The following SCML4 variants were observed in gnomAD, a reference collection of about 807,000 sequenced individuals.
SCML4 encodes Scm polycomb group protein like 4, also known as sex comb on midleg-like protein 4.
Under a neutral mutation model 41.1 loss-of-function variants are expected in SCML4, and 34 were observed. The ratio of observed to expected loss-of-function variants is 0.83; its 90% CI spans 0.63 to 1.10. The LOEUF is 1.10. SCML4 is among the 50% of genes least tolerant of loss of function. SCML4 has a pLI of 0.00. For synonymous variants in SCML4, 214 were observed against 220.9 expected, an observed-to-expected ratio of 0.97 and a Z score of 0.28; for missense variants, 522 against 534.1, an observed-to-expected ratio of 0.98 and a Z score of 0.22.
chr6:107,713,412 C>G (rs1197789754), intron 6 of SCML4, among the ~76,000 whole-genome samples: 1 of 152,172 alleles, frequency 6.6e-6, no homozygotes, highest in African/African-American at 2.4e-5. Context: ...TAACCCCTCC[C>G]ACCTCAGGCT....
intron 1 of SCML4, among the ~76,000 whole-genome samples, chr6:107,797,417 T>C (rs919081013): frequency 2.0e-5 from 3 of 152,096 alleles, no homozygotes; most frequent in African/African-American, 7.2e-5. Context: ...TTTTACTTCA[T>C]TTTCCAGTTA....
At chr6:107,721,425 TGTG>T (rs1775400815) in intron 5 of SCML4, among the ~76,000 whole-genome samples, 1 of 151,698 alleles carries the variant, frequency 6.6e-6, no homozygotes, top group African/African-American at 2.4e-5. Flanking sequence ...ATTAGCCGGA[TGTG>T]GTGGCAGGCA....
At chr6:107,721,572 G>A (rs1775420308) in intron 5 of SCML4, among the ~76,000 whole-genome samples, 1 of 152,092 alleles carries the variant, frequency 6.6e-6, no homozygotes, top group Non-Finnish European at 1.5e-5. Flanking sequence ...CTTCTGCAGT[G>A]GCTCTGCCCT....
At chr6:107,741,157 C>G (rs778079690) in intron 5 of SCML4, among the ~76,000 whole-genome samples, 18 of 151,976 alleles carry the variant, frequency 1.2e-4, no homozygotes, top group Non-Finnish European at 2.5e-4. Flanking sequence ...CACAGAAAAT[C>G]AAAAACAAAT....
At chr6:107,811,607 A>G (rs750132437) in intron 1 of SCML4, among the ~76,000 whole-genome samples, 2 of 152,176 alleles carry the variant, frequency 1.3e-5, no homozygotes, top group African/African-American at 2.4e-5. Context: ...ATGGGAAAAA[A>G]TGTGTCTTCT....
chr6:107,717,173 A>T (rs1166603079), intron 6 of SCML4, among the ~76,000 whole-genome samples: 2 of 78,724 alleles, frequency 2.5e-5, no homozygotes, highest in Non-Finnish European at 5.4e-5. Context: ...AAAAAAAAAA[A>T]GCCAGGTGTG....
At chr6:107,729,876 T>C (rs1024477943) in intron 5 of SCML4, among the ~76,000 whole-genome samples, 1 of 152,344 alleles carries the variant, frequency 6.6e-6, no homozygotes, top group Admixed American at 6.5e-5. Flanking sequence ...CTGAGTCTTT[T>C]ATTTGAAAGC....
intron 3 of SCML4, 148 bp downstream of exon 3, chr6:107,749,536 C>T (rs1388785178): frequency 2.1e-5 from 19 of 896,120 alleles, no homozygotes; most frequent in South Asian, 4.3e-5. Flanking sequence ...AGACTCTGGT[C>T]ATCCTGTCTG....
At chr6:107,793,570 A>T (rs965868250) in intron 1 of SCML4, among the ~76,000 whole-genome samples, 1 of 152,182 alleles carries the variant, frequency 6.6e-6, no homozygotes, top group African/African-American at 2.4e-5. Context: ...TCGCTTCTTT[A>T]TAAGGTGAGA....
the SCML4 span, among the ~76,000 whole-genome samples, chr6:107,845,792 C>G: frequency 6.6e-6 from 1 of 152,230 alleles, no homozygotes; most frequent in Non-Finnish European, 1.5e-5. Flanking sequence ...TTACTATGAA[C>G]ATTTACTACA....
intron 5 of SCML4, among the ~76,000 whole-genome samples, chr6:107,733,893 A>G (rs1487552705): frequency 6.6e-6 from 1 of 152,248 alleles, no homozygotes; most frequent in Non-Finnish European, 1.5e-5. Context: ...CATCTTCTGC[A>G]GTGGACACAG....
At chr6:107,801,629 A>G (rs1276106845) in intron 1 of SCML4, among the ~76,000 whole-genome samples, 2 of 152,208 alleles carry the variant, frequency 1.3e-5, no homozygotes, top group African/African-American at 2.4e-5. Flanking sequence ...CCTAACTGGA[A>G]GCAGAAGCTT....
In SCML4 at chr6:107,746,854, G is replaced by A. The variant is rs759394869; in HGVS notation, c.322C>T (p.Pro108Ser). Reference protein sequence around the residue: ...LYINKQANAGPYLERKKVQQL... With the variant: ...LYINKQANAGSYLERKKVQQL... ...TGCACCTTCTTCCTCTCCAGATAGG[G>A]CCCCGCATTGGCCTGCTTGTTGATG... The change falls in exon 4 of 8, where the codon CCC (proline) becomes TCC (serine). Residue 108 changes from proline to serine, a missense_variant. Pro to Ser is a moderately conservative substitution (Grantham distance 74). Transcript: ENST00000369020. The A allele has an allele frequency of 6.8e-6, 11 of 1,613,832 alleles. No homozygotes were observed. The African/African-American group carries it at 1.2e-4, about 18-fold the overall frequency.
rs113739028 is a variant in SCML4, at chr6:107,702,646, G to A, written c.*2554C>T. Among the ~76,000 whole-genome samples, 176 of 152,254 alleles carry A rather than the reference G, an allele frequency of 1.2e-3. No individual in the cohort carries two copies. The highest frequency in any genetic ancestry group is 4.1e-3 in the African/African-American group (169 of 41,540). On this transcript the variant is annotated 3_prime_UTR_variant, in exon 8 of 8. Coordinates refer to ENST00000369020, the MANE Select transcript of SCML4 (RefSeq NM_198081.5). ...ATAACCTGCCCATGGCTGTTTTGAG[G>A]GAAATGTATCTAACTCTAAACCAGC...
At chr6:107,749,010 G>A (rs1020193687) in intron 3 of SCML4, among the ~76,000 whole-genome samples, 25 of 152,290 alleles carry the variant, frequency 1.6e-4, no homozygotes, top group African/African-American at 5.8e-4. Flanking sequence ...GGGCCTTGTC[G>A]GCCAGATTAA....
chr6:107,706,844 C>A (rs971971649), intron 7 of SCML4, among the ~76,000 whole-genome samples: 1 of 151,926 alleles, frequency 6.6e-6, no homozygotes, highest in Non-Finnish European at 1.5e-5. Flanking sequence ...GGGACAGGAG[C>A]CAAGGACTGA....
At chr6:107,739,760 T>G (rs1465974986) in intron 5 of SCML4, among the ~76,000 whole-genome samples, 3 of 152,202 alleles carry the variant, frequency 2.0e-5, no homozygotes, top group Non-Finnish European at 4.4e-5. Flanking sequence ...TAACTTGACA[T>G]GTTATTTAAA....
Position 107,720,796 on chromosome 6 carries a change from G to C in SCML4, c.880C>G (p.Pro294Ala). Reference sequence around the variant, plus strand: ...GCCGAGGGGCCACCAGAAGACATGGGGCTAGTGCGGGGACCACCAGCGGTG... The same window carrying C: ...GCCGAGGGGCCACCAGAAGACATGGCGCTAGTGCGGGGACCACCAGCGGTG... ...AATAGGPRTS[P>A]MSSGGPSAPG... The change falls in exon 6 of 8, where the codon CCC becomes GCC. Residue 294 changes from proline (P) to alanine (A), a missense_variant. Pro to Ala is a conservative substitution (Grantham distance 27). Transcript: ENST00000369020. 1 of 1,614,010 alleles carries C rather than the reference G, an allele frequency of 6.2e-7. No homozygotes were observed. The highest frequency in any genetic ancestry group is 8.5e-7 in the Non-Finnish European group (1 of 1,179,958).
At chr6:107,778,261 A>G (rs2114587395) in intron 1 of SCML4, among the ~76,000 whole-genome samples, 1 of 127,374 alleles carries the variant, frequency 7.9e-6, no homozygotes, top group Non-Finnish European at 1.6e-5. Context: ...ATATATATAT[A>G]TATAACTTGA....
Sources: allele counts gnomAD v4.1 joint callset (sites outside exome capture counted in the v4.1 genomes callset), GRCh38; gene constraint gnomAD v4.1.1; transcripts MANE v1.5; gene names NCBI Gene and HGNC (gene_info 2026-07-23, HGNC 2026-07-21).